Variants in AGO3 observed in about 807,000 individuals in gnomAD.
AGO3 encodes the protein protein argonaute-3.
A neutral mutation model predicts 105.5 loss-of-function variants in AGO3; 16 were observed. The observed-to-expected ratio is 0.15, with a 90% CI of 0.10 to 0.23. The LOEUF (loss-of-function observed/expected upper bound fraction) is 0.23, where lower values mean the gene tolerates loss of function less well. Ranked by LOEUF, AGO3 falls within the 10% of genes least tolerant of loss-of-function variation. The pLI is 1.00. For synonymous variants in AGO3, 340 were observed against 367.3 expected (o/e 0.93, Z 0.85); for missense variants, 534 against 1,088.0 (o/e 0.49, Z 7.16).
intron 17 of AGO3, among the ~76,000 whole-genome samples, chr1:36,045,603 C>T (rs577289401): frequency 3.3e-5 from 5 of 150,242 alleles, no homozygotes; most frequent in East Asian, 2.0e-4. Flanking sequence ...AGTGTAATGG[C>T]GTGATCTCAG....
At chr1:35,938,178 A>C (rs909124222) in intron 1 of AGO3, among the ~76,000 whole-genome samples, 4 of 151,814 alleles carry the variant, frequency 2.6e-5, no homozygotes, top group Non-Finnish European at 5.9e-5. Context: ...ATGGGGTTTC[A>C]CCATGTTAGT....
At chr1:35,944,544 CTTTTTTTT>C (rs761797350) in intron 1 of AGO3, among the ~76,000 whole-genome samples, 22 of 105,476 alleles carry the variant, frequency 2.1e-4, no homozygotes, top group Non-Finnish European at 3.6e-4. Flanking sequence ...ATTTTATTTA[CTTTTTTTT>C]TTTTTTTTTT....
intron 2 of AGO3, among the ~76,000 whole-genome samples, chr1:35,950,019 G>A (rs939980212): frequency 2.0e-5 from 3 of 152,076 alleles, no homozygotes; most frequent in African/African-American, 2.4e-5. Flanking sequence ...TCAGGAGATC[G>A]AGACCATCCT....
At position 36,008,824 on chromosome 1, in the gene AGO3, T is replaced by C. The variant is rs1284999354; in HGVS notation, c.881+47T>C. 1 of 1,614,040 alleles carries C rather than the reference T, an allele frequency of 6.2e-7. No individual in the cohort carries two copies. On this transcript the variant is annotated intron_variant, in intron 7 of 18. Coordinates refer to ENST00000373191, the MANE Select transcript of AGO3 (RefSeq NM_024852.4). This position sits in a 1 kb window ranked among gnomAD's most constrained non-coding sequence, Gnocchi z 5.1. The stretch of plus-strand genomic sequence containing the variant: ...AGCGATGGTGTGAGGCAGCTTGCTC[T>C]AGTTAGTGGGGTTGGGAGTTTTTCT...
intron 14 of AGO3, among the ~76,000 whole-genome samples, chr1:36,036,525 A>G (rs570444678): frequency 6.6e-6 from 1 of 151,878 alleles, no homozygotes; most frequent in Non-Finnish European, 1.5e-5. Context: ...ATGATTATGC[A>G]TTTTTAGTTA....
chr1:36,013,350 C>A, intron 9 of AGO3: 1 of 242,326 alleles, frequency 4.1e-6, no homozygotes, highest in South Asian at 5.8e-5. Flanking sequence ...GCTGAGATCA[C>A]AGGCATGAAC....
At chr1:35,996,140 A>G (rs553263402) in intron 5 of AGO3, among the ~76,000 whole-genome samples, 201 of 152,002 alleles carry the variant, frequency 1.3e-3, no homozygotes, top group African/African-American at 4.8e-3. Context: ...GGTGTTTGAG[A>G]CCAGCCTGGG....
intron 1 of AGO3, among the ~76,000 whole-genome samples, chr1:35,934,384 A>G (rs2148737600): frequency 6.6e-6 from 1 of 152,368 alleles, no homozygotes; most frequent in South Asian, 2.1e-4. Flanking sequence ...AAAAGTGAAT[A>G]GACTGTTTCT....
intron 5 of AGO3, among the ~76,000 whole-genome samples, chr1:35,979,674 G>C (rs912653467): frequency 6.6e-6 from 1 of 151,962 alleles, no homozygotes; most frequent in Non-Finnish European, 1.5e-5. Flanking sequence ...TGTATTAGGA[G>C]CATATATATT....
rs1643005706 is a variant in AGO3, at chr1:36,059,740, C to A, written c.*3995C>A. 6.6e-6 allele frequency: 1 copy of A among 152,006 alleles called. No homozygotes were observed. Among genetic ancestry groups the A allele is most frequent in the Admixed American group, 6.6e-5 (1 of 15,248 alleles). 9.4% of individuals were successfully genotyped at this position (152,006 alleles called of 1,614,324 possible). ...TAAGTAGATTCTGACAGTTACTGCA[C>A]TAAACAGTAAGGAGATAAGCAGGAT... On this transcript the variant is annotated 3_prime_UTR_variant, in exon 19 of 19. Transcript: ENST00000373191.
chr1:36,048,564 A>T (rs1642571295), intron 17 of AGO3, among the ~76,000 whole-genome samples: 1 of 152,162 alleles, frequency 6.6e-6, no homozygotes, highest in Non-Finnish European at 1.5e-5. Flanking sequence ...ACCCACCATG[A>T]TAATAAGAAG....
intron 2 of AGO3, among the ~76,000 whole-genome samples, chr1:35,965,258 G>A (rs1156309453): frequency 6.6e-6 from 1 of 151,932 alleles, no homozygotes; most frequent in Admixed American, 6.6e-5. Context: ...TTAGGAGGCC[G>A]AGGCGGGCGG....
chr1:35,948,137 C>G (rs1025923012), intron 2 of AGO3, among the ~76,000 whole-genome samples: 1 of 150,892 alleles, frequency 6.6e-6, no homozygotes, highest in African/African-American at 2.4e-5. Context: ...TGAGGGATGT[C>G]AATTCAAGTT....
At chr1:36,043,966 G>A (rs189958442) in intron 17 of AGO3, among the ~76,000 whole-genome samples, 2 of 152,206 alleles carry the variant, frequency 1.3e-5, no homozygotes, top group Admixed American at 6.5e-5. Context: ...CCAAGTAGTT[G>A]GGACAACAGG....
Position 35,981,869 on chromosome 1 carries a change from C to G in AGO3, c.658+8358C>G, listed in dbSNP as rs112527909. On this transcript the variant is annotated intron_variant, in intron 5 of 18. Coordinates refer to ENST00000373191, the MANE Select transcript of AGO3 (RefSeq NM_024852.4). ...GAGTAAATATGTGCTATTCCCCCACCAGATTCCTTTATACTTCTTGTCATT... is the reference window on the plus strand; with the variant it reads ...GAGTAAATATGTGCTATTCCCCCACGAGATTCCTTTATACTTCTTGTCATT... Among the ~76,000 whole-genome samples, 379 of 152,288 alleles carry G rather than the reference C, an allele frequency of 2.5e-3. 6 individuals are homozygous for G. Among genetic ancestry groups the G allele is most frequent in the Middle Eastern group, 0.01 (3 of 294 alleles).
intron 16 of AGO3, 22 bp downstream of exon 16, chr1:36,040,463 T>C (rs760089720): frequency 6.2e-7 from 1 of 1,613,594 alleles, no homozygotes; most frequent in Non-Finnish European, 8.5e-7. Flanking sequence ...TCTGTTGTAA[T>C]ACTGTTATAA....
chr1:36,035,200 A>G (rs574757915), intron 13 of AGO3, among the ~76,000 whole-genome samples: 1 of 152,206 alleles, frequency 6.6e-6, no homozygotes, highest in Admixed American at 6.6e-5. Context: ...AAAGAATTTT[A>G]TCAACAAGCC....
At chr1:36,012,939 AT>A (rs1039767711) in intron 9 of AGO3, among the ~76,000 whole-genome samples, 9 of 148,044 alleles carry the variant, frequency 6.1e-5, no homozygotes, top group South Asian at 2.1e-4. Context: ...ATTTTCATGG[AT>A]TTTTTTTTTC....
chr1:36,054,856 TG>T, intron 17 of AGO3, 89 bp from the exon 18 acceptor site: 1 of 1,279,644 alleles, frequency 7.8e-7, no homozygotes, highest in Non-Finnish European at 1.1e-6. Flanking sequence ...CACTTCAGCC[TG>T]GGTGACAGAG....
Sources: gnomAD v4.1 joint callset for allele counts (sites outside exome capture counted in the v4.1 genomes callset) on GRCh38, gnomAD v4.1.1 for gene constraint, Gnocchi (gnomAD v3.1) non-coding constraint, MANE v1.5 for transcripts, NCBI Gene and HGNC (gene_info 2026-07-23, HGNC 2026-07-21) for gene names.